TPM1: variants seen among roughly 807,000 people sequenced by gnomAD.
TPM1 encodes the protein tropomyosin alpha-1 chain.
A neutral mutation model predicts 42.9 loss-of-function variants in TPM1; 24 were observed. The ratio of observed to expected loss-of-function variants is 0.56; its 90% CI spans 0.41 to 0.79. The LOEUF is 0.79. Ranked by LOEUF, TPM1 falls within the 30% of genes least tolerant of loss-of-function variation. TPM1 has a pLI of 0.00. For synonymous variants in TPM1, 136 were observed against 130.1 expected (o/e 1.05, Z -0.31); for missense variants, 158 against 351.8 (o/e 0.45, Z 4.41).
downstream of TPM1, chr15:63,070,677 C>T (rs1441181940): frequency 1.9e-5 from 19 of 1,005,370 alleles, no homozygotes; most frequent in South Asian, 5.1e-4. Flanking sequence ...TTTGTGTTAC[C>T]GCACAACTCC....
intron 2 of TPM1, chr15:63,044,444 T>G (rs895246653): frequency 1.5e-5 from 9 of 595,692 alleles, no homozygotes; most frequent in Non-Finnish European, 3.0e-6. Flanking sequence ...GGAGGTGAAC[T>G]TCACCTCCCT....
intron 8 of TPM1, chr15:63,063,532 C>T (rs556420648): frequency 1.3e-5 from 3 of 231,578 alleles, no homozygotes; most frequent in African/African-American, 4.7e-5. Flanking sequence ...ACTAAGAAAT[C>T]GCTATCCCAG....
At chr15:63,048,792 GCA>G (rs1489903163) in intron 2 of TPM1, 2 of 1,343,182 alleles carry the variant, frequency 1.5e-6, no homozygotes, top group Non-Finnish European at 2.0e-6. Flanking sequence ...TTCCCCCCCC[GCA>G]GGCCCCGGTC....
chr15:63,070,742 T>C, downstream of TPM1: 1 of 1,083,834 alleles, frequency 9.2e-7, no homozygotes, highest in East Asian at 7.5e-5. Flanking sequence ...ACTTCTTCAG[T>C]TTGTATAACA....
chr15:63,062,652 T>G lies in TPM1; in HGVS notation c.772+7T>G. The G allele has an allele frequency of 6.2e-7, 1 of 1,614,222 alleles. No individual in the cohort carries two copies. Among genetic ancestry groups the G allele is most frequent in the Non-Finnish European group, 8.5e-7 (1 of 1,180,034 alleles). On this transcript the variant is annotated splice_region_variant and intron_variant, in intron 8 of 9. Transcript: ENST00000403994. ...AGCATTGATGACTTAGAAGGTAAGA[T>G]CTTAAGTAGTGTTTTTAGTTTAATC...
rs141049631 is a variant in TPM1, at chr15:63,058,576, G to A, written c.375-987G>A. Among the ~76,000 whole-genome samples, 956 of 152,220 alleles carry A rather than the reference G, an allele frequency of 6.3e-3. 13 individuals carry two copies. The highest frequency in any genetic ancestry group is 0.04 in the South Asian group (194 of 4,820). The stretch of plus-strand genomic sequence containing the variant: ...ATAGAAAACTTAGCCAGGCGTGGTG[G>A]TGCACACCTGTAATCCCAGCTACTC... On this transcript the variant is annotated intron_variant, in intron 3 of 9. Coordinates refer to ENST00000403994, the MANE Select transcript of TPM1 (RefSeq NM_001018005.2).
intron 2 of TPM1, among the ~76,000 whole-genome samples, chr15:63,050,430 A>G (rs73431514): frequency 0.021 from 3,180 of 152,316 alleles, 27 homozygotes; most frequent in South Asian, 0.027. Flanking sequence ...GACCCTATGC[A>G]GGAGAGCCTT....
chr15:63,070,543 AATATT>A, downstream of TPM1: 1 of 995,400 alleles, frequency 1.0e-6, no homozygotes. Flanking sequence ...ACACTATAAA[AATATT>A]AAGAGAATGT....
At chr15:63,066,208 C>T, downstream of TPM1, 1 of 1,379,348 alleles carries the variant, frequency 7.2e-7, no homozygotes, top group South Asian at 1.6e-5. Context: ...GCTGCTTTTT[C>T]TTTTTAAATA....
At position 63,061,457 on chromosome 15, in the gene TPM1, T is replaced by C. The variant is rs2035613482; in HGVS notation, c.564-256T>C. On this transcript the variant is annotated intron_variant, in intron 5 of 9. Coordinates refer to ENST00000403994, the MANE Select transcript of TPM1 (RefSeq NM_001018005.2). ...TTTGTTTTCCCTTCATAAATGCTCT[T>C]TGGGCAGCCAAAAAAGGAGCCAAAT... 9.2e-6 allele frequency: 7 copies of C among 763,236 alleles called. No individual in the cohort carries two copies. The South Asian group carries it at 9.2e-5, about 10-fold the overall frequency. The allele number at this position is 763,236 out of a possible 1,614,324, so 47.3% of individuals were successfully genotyped here.
chr15:63,046,889 A>G (rs952810491), intron 2 of TPM1: 3 of 152,292 alleles, frequency 2.0e-5, no homozygotes, highest in Admixed American at 6.5e-5. Flanking sequence ...AAAATACCCA[A>G]GTGATTCCAA....
chr15:63,056,895 C>CT lies in TPM1; in HGVS notation c.241-89dup. Reference sequence around the variant, plus strand: ...GCTCACCACAAGACAGTCTTCCTATCTGAAATCAGCATTGCAGTCCCAGCC... The same window carrying CT: ...GCTCACCACAAGACAGTCTTCCTATCTTGAAATCAGCATTGCAGTCCCAGCC... On this transcript the variant is annotated intron_variant, in intron 2 of 9. Transcript: ENST00000403994. 5 of 1,574,236 alleles carry CT rather than the reference C, an allele frequency of 3.2e-6. No individual in the cohort carries two copies. In the Admixed American group the frequency reaches 6.7e-5, roughly 21 times the overall value.
intron 2 of TPM1, among the ~76,000 whole-genome samples, chr15:63,055,131 C>T (rs1370832626): frequency 6.6e-6 from 1 of 152,070 alleles, no homozygotes; most frequent in Non-Finnish European, 1.5e-5. Context: ...CCAGAAACAA[C>T]AGTCATCTGC....
At chr15:63,048,581 G>T in intron 2 of TPM1, 3 of 1,528,202 alleles carry the variant, frequency 2.0e-6, no homozygotes, top group Non-Finnish European at 2.6e-6. Flanking sequence ...GCGCGATGGC[G>T]GGGAGTAGCT....
chr15:63,062,103 C>A, intron 6 of TPM1, 112 bp from the exon 7 acceptor site: 1 of 941,456 alleles, frequency 1.1e-6, no homozygotes, highest in Non-Finnish European at 1.7e-6. Flanking sequence ...GGTTCCATTA[C>A]CTCCTAAGAG....
At chr15:63,062,318 T>TG in intron 7 of TPM1, 41 bp downstream of exon 7, 1 of 1,592,510 alleles carries the variant, frequency 6.3e-7, no homozygotes, top group Non-Finnish European at 8.6e-7. Context: ...GGATTTTAAA[T>TG]GAGTTTGTTT....
At chr15:63,063,028 G>T in intron 8 of TPM1, 1 of 1,325,832 alleles carries the variant, frequency 7.5e-7, no homozygotes, top group Non-Finnish European at 9.6e-7. Flanking sequence ...GTTTTTAGAA[G>T]AACCCATCTT....
chr15:63,048,296 T>A (rs1737403966), intron 2 of TPM1: 2 of 798,422 alleles, frequency 2.5e-6, no homozygotes, highest in African/African-American at 1.8e-5. Flanking sequence ...AGCGCCTTTC[T>A]CCCCGCCGCC....
chr15:63,048,487 G>C (rs1415126426), intron 2 of TPM1: 1 of 1,436,870 alleles, frequency 7.0e-7, no homozygotes, highest in Non-Finnish European at 9.1e-7. Context: ...CCGGCGCTGG[G>C]CAGCCAGGAC....
Sources: allele counts gnomAD v4.1 joint callset (sites outside exome capture counted in the v4.1 genomes callset), GRCh38; gene constraint gnomAD v4.1.1; transcripts MANE v1.5; gene names NCBI Gene and HGNC (gene_info 2026-07-23, HGNC 2026-07-21).